Variants in NUP214 observed in about 807,000 individuals in gnomAD.
NUP214 encodes the protein nuclear pore complex protein Nup214.
NUP214 carries 79 observed loss-of-function variants against 196.2 expected under a neutral mutation model. That is an observed-to-expected ratio of 0.40 (90% CI 0.34 to 0.49). The LOEUF (loss-of-function observed/expected upper bound fraction) is 0.49, where lower values mean the gene tolerates loss of function less well. Among genes scored for constraint, NUP214 ranks in the 20% least tolerant of loss-of-function variants. The pLI is 0.58. For synonymous variants in NUP214, 1,020 were observed against 990.5 expected (o/e 1.03, Z -0.56); for missense variants, 2,468 against 2,539.0 (o/e 0.97, Z 0.60).
chr9:131,156,188 A>T (rs1275819859), intron 17 of NUP214, among the ~76,000 whole-genome samples: 4 of 134,346 alleles, frequency 3.0e-5, no homozygotes, highest in Non-Finnish European at 6.1e-5. Flanking sequence ...GCTGGAGTAC[A>T]GTGGCACGAT....
At position 131,146,210 on chromosome 9, in the gene NUP214, G is replaced by A. The variant is rs1832083204; in HGVS notation, c.1851G>A (p.Lys617=). Reference sequence around the variant, plus strand: ...TGTCGCCATTCTCTTCTGCCTCCAAGCCAGCTGCTTCTGGACCACTCAGCC... The same window carrying A: ...TGTCGCCATTCTCTTCTGCCTCCAAACCAGCTGCTTCTGGACCACTCAGCC... ...PPMSPFSSAS[K]PAASGPLSHP... Residue 617 remains lysine, a synonymous_variant, in exon 13 of 36, where the codon AAG becomes AAA. Transcript: ENST00000359428. This position sits in a 1 kb window ranked among gnomAD's most constrained non-coding sequence, Gnocchi z 4.6. 6.2e-6 allele frequency: 10 copies of A among 1,614,080 alleles called. No individual in the cohort carries two copies. The highest frequency in any genetic ancestry group is 8.5e-6 in the Non-Finnish European group (10 of 1,180,012).
At chr9:131,140,022 G>T (rs1465621963) in intron 10 of NUP214, among the ~76,000 whole-genome samples, 1 of 152,162 alleles carries the variant, frequency 6.6e-6, no homozygotes, top group African/African-American at 2.4e-5. Flanking sequence ...GGTTAGGCAG[G>T]AGTATTTGTT....
intron 24 of NUP214, 92 bp from the exon 25 acceptor site, chr9:131,187,197 A>G (rs1205092848): frequency 1.9e-6 from 2 of 1,043,554 alleles, no homozygotes; most frequent in African/African-American, 1.6e-5. Flanking sequence ...CAAAACTGGT[A>G]TTGTATATTG....
At chr9:131,214,509 A>G (rs1000928628) in intron 30 of NUP214, among the ~76,000 whole-genome samples, 5 of 152,282 alleles carry the variant, frequency 3.3e-5, no homozygotes, top group African/African-American at 1.2e-4. Context: ...GAGAGATGAC[A>G]CTTAACTAAG....
In NUP214 at chr9:131,133,167, G is replaced by A; in HGVS notation, c.789G>A (p.Gly263=). 1 of 1,599,772 alleles carries A rather than the reference G, an allele frequency of 6.3e-7. No individual in the cohort carries two copies. Among genetic ancestry groups the A allele is most frequent in the East Asian group, 2.3e-5 (1 of 43,944 alleles). ...CCATAGTGTATGCTGCTGCAGATGG[G>A]ACCCTGGAAACGTCTCCAGATGTGG... ...VFAIVYAAAD[G]TLETSPDVVM... is the part of the protein sequence containing the mutation. Residue 263 remains glycine (G), a synonymous_variant, in exon 7 of 36, where the codon GGG becomes GGA. Transcript: ENST00000359428.
chr9:131,203,456 A>T (rs35834418), intron 30 of NUP214, among the ~76,000 whole-genome samples: 24,352 of 152,242 alleles, frequency 0.16, 2,596 homozygotes, highest in Middle Eastern at 0.29. Flanking sequence ...CTAATTTATC[A>T]GAAAGGATTG....
At chr9:131,130,137 G>GTTTTTTTTGTTTTTT (rs1554728067) in intron 4 of NUP214, among the ~76,000 whole-genome samples, 1 of 76,894 alleles carries the variant, frequency 1.3e-5, no homozygotes, top group Non-Finnish European at 2.3e-5. Flanking sequence ...TTCTGGTTTT[G>GTTTTTTTTGTTTTTT]TTTTTTTTTT....
At position 131,198,739 on chromosome 9, in the gene NUP214, G is replaced by A; in HGVS notation, c.5245G>A (p.Gly1749Arg). 1 of 1,614,240 alleles carries A rather than the reference G, an allele frequency of 6.2e-7. No individual in the cohort carries two copies. The highest frequency in any genetic ancestry group is 8.5e-7 in the Non-Finnish European group (1 of 1,180,044). The change falls in exon 29 of 36, where the codon GGG becomes AGG. Residue 1749 changes from glycine to arginine, a missense_variant. This residue lies in a region of NUP214 where 1,801 missense variants were observed against 1,779.4 expected (regional missense o/e 1.01). Transcript: ENST00000359428. Reference sequence around the variant, plus strand: ...AAGTGTCTTTTCCTTCAGTCAGCCTGGGTTCAGTTCCGTGCCTGCCTTCGG... The same window carrying A: ...AAGTGTCTTTTCCTTCAGTCAGCCTAGGTTCAGTTCCGTGCCTGCCTTCGG... ...AASVFSFSQPGFSSVPAFGQP... is the reference protein window; with the variant it reads ...AASVFSFSQPRFSSVPAFGQP...
At chr9:131,229,716 G>C (rs1173012629) in intron 33 of NUP214, 12 of 518,846 alleles carry the variant, frequency 2.3e-5, no homozygotes, top group South Asian at 1.7e-4. Flanking sequence ...TTGCTGATGA[G>C]GCCCAAGGCA....
At position 131,125,960 on chromosome 9, in the gene NUP214, G is replaced by T. The variant is rs1309899537; in HGVS notation, c.45+211G>T. The T allele has an allele frequency of 2.6e-5, 16 of 611,182 alleles. No individual in the cohort carries two copies. Among genetic ancestry groups the T allele is most frequent in the South Asian group, 1.6e-4 (8 of 49,512 alleles). 37.9% of individuals were successfully genotyped at this position (611,182 alleles called of 1,614,324 possible). ...TCCCATCCTGGTCTCGTGCACGGCT[G>T]TTGAGTTACCCTAGCTACTTCCTGG... is the stretch of plus-strand genomic sequence containing the variant. On this transcript the variant is annotated intron_variant, in intron 1 of 35. Transcript: ENST00000359428. This position sits in a 1 kb window ranked among gnomAD's most constrained non-coding sequence, Gnocchi z 4.1.
rs1288623987 is a variant in NUP214, at chr9:131,198,651, G to A, written c.5157G>A (p.Gly1719=). 6.2e-7 allele frequency: 1 copy of A among 1,614,088 alleles called. No individual in the cohort carries two copies. The highest frequency in any genetic ancestry group is 1.7e-5 in the Admixed American group (1 of 60,006). Reference sequence around the variant, plus strand: ...CAGCTTTTGGTACCACAGCCCCAGGGGTCTTTGGACAGACAACCTTCGGGC... The same window carrying A: ...CAGCTTTTGGTACCACAGCCCCAGGAGTCTTTGGACAGACAACCTTCGGGC... ...SSPAFGTTAP[G]VFGQTTFGQA... The change falls in exon 29 of 36, where the codon GGG becomes GGA. Residue 1719 remains glycine, a synonymous_variant. Transcript: ENST00000359428.
chr9:131,132,727 T>G, intron 6 of NUP214, 68 bp downstream of exon 6: 1 of 1,319,062 alleles, frequency 7.6e-7, no homozygotes, highest in East Asian at 2.3e-5. Context: ...AAATTCAAAA[T>G]CATGTAATGT....
At chr9:131,207,657 C>CG (rs1834122214) in intron 30 of NUP214, among the ~76,000 whole-genome samples, 1 of 152,170 alleles carries the variant, frequency 6.6e-6, no homozygotes, top group Non-Finnish European at 1.5e-5. Context: ...ATACAGAGGC[C>CG]GCCTCTTGCT....
intron 30 of NUP214, among the ~76,000 whole-genome samples, chr9:131,211,577 G>A (rs180756873): frequency 8.5e-5 from 13 of 152,308 alleles, no homozygotes; most frequent in Admixed American, 5.2e-4. Flanking sequence ...TGCTGAAGCC[G>A]TGACAGAAGA....
At chr9:131,182,144 ATCAC>A (rs1197944070) in intron 24 of NUP214, among the ~76,000 whole-genome samples, 1 of 152,260 alleles carries the variant, frequency 6.6e-6, no homozygotes, top group Non-Finnish European at 1.5e-5. Context: ...TGTACTTAGT[ATCAC>A]TGAACTACAT....
At chr9:131,148,868 A>G (rs538615148) in intron 14 of NUP214, among the ~76,000 whole-genome samples, 1 of 152,264 alleles carries the variant, frequency 6.6e-6, no homozygotes, top group East Asian at 1.9e-4. Context: ...TCTTTGATGA[A>G]TACACATTCT....
chr9:131,127,273 C>T (rs1249775595), intron 1 of NUP214, among the ~76,000 whole-genome samples: 1 of 152,094 alleles, frequency 6.6e-6, no homozygotes, highest in African/African-American at 2.4e-5. Flanking sequence ...ATCCCAGCTA[C>T]TTGGGAGTCT....
intron 9 of NUP214, 69 bp downstream of exon 9, chr9:131,136,075 C>T: frequency 2.3e-6 from 3 of 1,314,768 alleles, no homozygotes; most frequent in Non-Finnish European, 3.3e-6. Context: ...CAGTCTCGCT[C>T]TGTTGTCCAG....
chr9:131,214,586 T>C (rs576406545), intron 30 of NUP214, among the ~76,000 whole-genome samples: 54 of 152,326 alleles, frequency 3.5e-4, no homozygotes, highest in Non-Finnish European at 6.6e-4. Flanking sequence ...GTTAAGTGTC[T>C]GGGACCTGAC....
Sources: gnomAD v4.1 joint callset for allele counts (sites outside exome capture counted in the v4.1 genomes callset) on GRCh38, gnomAD v4.1.1 for gene constraint, gnomAD v4.1.1 regional missense constraint, Gnocchi (gnomAD v3.1) non-coding constraint, MANE v1.5 for transcripts, NCBI Gene and HGNC (gene_info 2026-07-23, HGNC 2026-07-21) for gene names.